GDPD1: variants seen among roughly 807,000 people sequenced by gnomAD.
The protein encoded by GDPD1 is lysophospholipase D GDPD1.
A neutral mutation model predicts 45.1 loss-of-function variants in GDPD1; 28 were observed. The ratio of observed to expected loss-of-function variants is 0.62; its 90% CI spans 0.46 to 0.85. The LOEUF is 0.85. GDPD1 is among the 40% of genes least tolerant of loss of function. The probability of loss-of-function intolerance (pLI) is 0.00; values close to 1 mark genes in which losing one functional copy is unlikely to be tolerated. For synonymous variants in GDPD1, 139 were observed against 131.4 expected (o/e 1.06, Z -0.40); for missense variants, 256 against 364.8 (o/e 0.70, Z 2.43).
intron 1 of GDPD1, among the ~76,000 whole-genome samples, chr17:59,232,103 A>G (rs148465332): frequency 6.1e-4 from 93 of 152,276 alleles, no homozygotes; most frequent in Non-Finnish European, 1.2e-3. Flanking sequence ...ATGTCGACAA[A>G]GTGAGAAAAA....
intron 8 of GDPD1, 22 bp from the exon 9 acceptor site, chr17:59,272,763 A>C: frequency 7.0e-7 from 1 of 1,431,310 alleles, no homozygotes; most frequent in Non-Finnish European, 9.9e-7. Flanking sequence ...TTCCTAAATC[A>C]GTTTTGCTTT....
intron 1 of GDPD1, among the ~76,000 whole-genome samples, chr17:59,228,857 G>A (rs1237751617): frequency 6.6e-6 from 1 of 151,414 alleles, no homozygotes; most frequent in East Asian, 1.9e-4. Flanking sequence ...TCCAGCCTGG[G>A]CAACAGAGTG....
At chr17:59,261,524 A>T (rs8073864) in intron 6 of GDPD1, among the ~76,000 whole-genome samples, 66,954 of 151,578 alleles carry the variant, frequency 0.44, 16,559 homozygotes, top group African/African-American at 0.68. Context: ...TAAAACAAGG[A>T]CTTGCTCTGT....
chr17:59,263,547 CG>C (rs1410637076), intron 6 of GDPD1, among the ~76,000 whole-genome samples: 14 of 123,374 alleles, frequency 1.1e-4, no homozygotes, highest in African/African-American at 4.4e-4. Context: ...GGCGCAATCT[CG>C]GCTCACCACA....
chr17:59,247,439 T>C (rs1241247866), intron 3 of GDPD1, among the ~76,000 whole-genome samples: 1 of 152,214 alleles, frequency 6.6e-6, no homozygotes, highest in Non-Finnish European at 1.5e-5. Context: ...TCCATAGTTT[T>C]GTCTTTTCCA....
chr17:59,257,384 T>A, intron 5 of GDPD1, 144 bp downstream of exon 5: 4 of 577,408 alleles, frequency 6.9e-6, no homozygotes, highest in African/African-American at 1.9e-5. Flanking sequence ...AATGCCTTAG[T>A]AGAAGAGATC....
In GDPD1 at chr17:59,257,998, C is replaced by G. The variant is rs2047322870; in HGVS notation, c.576+158C>G. On this transcript the variant is annotated intron_variant, in intron 6 of 9. Coordinates refer to ENST00000284116, the MANE Select transcript of GDPD1 (RefSeq NM_182569.4). Reference sequence around the variant, plus strand: ...CTGGAGTGCAGTGGTGCAATCATAGCTCACTGCAGCCTCAAACTCCTGGGC... The same window carrying G: ...CTGGAGTGCAGTGGTGCAATCATAGGTCACTGCAGCCTCAAACTCCTGGGC... Among the ~76,000 whole-genome samples, 3 of 152,188 alleles carry G rather than the reference C, an allele frequency of 2.0e-5. No homozygotes were observed. The South Asian group carries it at 6.2e-4, about 32-fold the overall frequency.
At chr17:59,227,129 T>A (rs117575178) in intron 1 of GDPD1, among the ~76,000 whole-genome samples, 2,093 of 152,174 alleles carry the variant, frequency 0.014, 24 homozygotes, top group Middle Eastern at 0.02. Context: ...AATGTTTTAG[T>A]TTTAAAACAT....
chr17:59,221,925 A>G (rs575851656), intron 1 of GDPD1, among the ~76,000 whole-genome samples: 3 of 152,312 alleles, frequency 2.0e-5, no homozygotes, highest in South Asian at 2.1e-4. Flanking sequence ...TCATTCTTCT[A>G]TATAATTTTA....
Position 59,257,749 on chromosome 17 carries a change from A to G in GDPD1, c.487-2A>G. 1.3e-6 allele frequency: 2 copies of G among 1,593,112 alleles called. No homozygotes were observed. The highest frequency in any genetic ancestry group is 1.7e-6 in the Non-Finnish European group (2 of 1,171,568). Reference sequence around the variant, plus strand: ...CATAAAATTTTGAATTTTCACACGTAGGTTTCAGAGTTGGTGAAGCGGTAT... The same window carrying G: ...CATAAAATTTTGAATTTTCACACGTGGGTTTCAGAGTTGGTGAAGCGGTAT... On this transcript the variant is annotated splice_acceptor_variant, in intron 5 of 9. Transcript: ENST00000284116. LOFTEE classifies it high-confidence loss of function.
chr17:59,224,300 C>A (rs2047028340), intron 1 of GDPD1, among the ~76,000 whole-genome samples: 1 of 152,070 alleles, frequency 6.6e-6, no homozygotes, highest in Admixed American at 6.6e-5. Flanking sequence ...ATTGCAATGA[C>A]CTTTTAAGAA....
At chr17:59,237,948 G>A (rs1191211494) in intron 2 of GDPD1, among the ~76,000 whole-genome samples, 1 of 125,230 alleles carries the variant, frequency 8.0e-6, no homozygotes, top group African/African-American at 3.1e-5. Flanking sequence ...GGGCAACAGA[G>A]CAAGACTCCG....
At chr17:59,249,424 A>C (rs184933815) in intron 4 of GDPD1, among the ~76,000 whole-genome samples, 4 of 152,126 alleles carry the variant, frequency 2.6e-5, no homozygotes, top group Admixed American at 2.6e-4. Flanking sequence ...AAAATAAAGT[A>C]AATAAATAAA....
chr17:59,254,090 G>A (rs572797607), intron 4 of GDPD1, among the ~76,000 whole-genome samples: 19 of 151,268 alleles, frequency 1.3e-4, no homozygotes, highest in African/African-American at 2.9e-4. Context: ...GGCCGGGTGC[G>A]GTGGCTCACG....
At chr17:59,222,779 T>G (rs181247149) in intron 1 of GDPD1, among the ~76,000 whole-genome samples, 15 of 152,226 alleles carry the variant, frequency 9.9e-5, no homozygotes, top group African/African-American at 3.6e-4. Flanking sequence ...CCTCCCAAAG[T>G]GTTGGGATTA....
intron 8 of GDPD1, 93 bp from the exon 9 acceptor site, chr17:59,272,692 G>A (rs2047452812): frequency 1.3e-6 from 1 of 750,706 alleles, no homozygotes; most frequent in African/African-American, 1.7e-5. Context: ...TGAAGCATTG[G>A]GATTAAATTA....
At chr17:59,252,102 C>G (rs1000386668) in intron 4 of GDPD1, among the ~76,000 whole-genome samples, 1 of 145,904 alleles carries the variant, frequency 6.9e-6, no homozygotes, top group African/African-American at 2.5e-5. Flanking sequence ...AGAATTCTTG[C>G]TTACCAGGCT....
Position 59,258,955 on chromosome 17 carries a change from C to CTATTAT in GDPD1, c.576+1127_576+1132dup, listed in dbSNP as rs569811908. On this transcript the variant is annotated intron_variant, in intron 6 of 9. Transcript: ENST00000284116. ...TGGACAACATAGTGAGACCCCCTTTCTATTATTATTATTATTAATTATTTT... is the reference window on the plus strand; with the variant it reads ...TGGACAACATAGTGAGACCCCCTTTCTATTATTATTATTATTATTATTAATTATTTT... Among the ~76,000 whole-genome samples, 12 of 151,220 alleles carry CTATTAT rather than the reference C, an allele frequency of 7.9e-5. No individual in the cohort carries two copies. The South Asian group carries it at 2.3e-3, about 29-fold the overall frequency.
At chr17:59,234,308 G>A (rs1203407936) in intron 1 of GDPD1, among the ~76,000 whole-genome samples, 184 bp from the exon 2 acceptor site, 2 of 150,214 alleles carry the variant, frequency 1.3e-5, no homozygotes, top group African/African-American at 2.5e-5. Context: ...CCGAAATCAC[G>A]CCACTGCACT....
Sources: allele counts gnomAD v4.1 joint callset (sites outside exome capture counted in the v4.1 genomes callset), GRCh38; gene constraint gnomAD v4.1.1; transcripts MANE v1.5; gene names NCBI Gene and HGNC (gene_info 2026-07-23, HGNC 2026-07-21).